INPP4B: variants seen among roughly 807,000 people sequenced by gnomAD.
INPP4B encodes the protein inositol polyphosphate-4-phosphatase type II B, also known as inositol polyphosphate 4-phosphatase type II.
In INPP4B, 55 loss-of-function variants were observed where a neutral mutation model predicts 122.5. The ratio of observed to expected loss-of-function variants is 0.45; its 90% CI spans 0.36 to 0.56. INPP4B has a LOEUF of 0.56. Among genes scored for constraint, INPP4B ranks in the 20% least tolerant of loss-of-function variants. The pLI is 0.00. For missense variants in INPP4B, 1,000 were observed against 1,097.7 expected (o/e 0.91, Z 1.26); for synonymous variants, 403 against 388.7 (o/e 1.04, Z -0.43).
At chr4:142,084,029 T>G (rs147996295) in intron 24 of INPP4B, among the ~76,000 whole-genome samples, 1,778 of 152,272 alleles carry the variant, frequency 0.012, 29 homozygotes, top group African/African-American at 0.04. Context: ...CCTGAACTAT[T>G]GACTTAACAC....
At chr4:142,642,565 A>G (rs1419610043) in intron 2 of INPP4B, among the ~76,000 whole-genome samples, 1 of 152,178 alleles carries the variant, frequency 6.6e-6, no homozygotes, top group Non-Finnish European at 1.5e-5. Flanking sequence ...TTTGTCAAAG[A>G]TCAGATAGTT....
intron 1 of INPP4B, among the ~76,000 whole-genome samples, chr4:142,778,732 T>C (rs1052777975): frequency 6.6e-6 from 1 of 152,198 alleles, no homozygotes; most frequent in African/African-American, 2.4e-5. Context: ...TTACCACCAC[T>C]ACTTTGTTGA....
intron 2 of INPP4B, among the ~76,000 whole-genome samples, chr4:142,567,535 T>C (rs1731892652): frequency 6.6e-6 from 1 of 152,254 alleles, no homozygotes; most frequent in South Asian, 2.1e-4. Context: ...AAAGGTAGAA[T>C]GAACAAGAGA....
At chr4:142,215,779 G>A (rs1394733596) in intron 12 of INPP4B, among the ~76,000 whole-genome samples, 4 of 151,310 alleles carry the variant, frequency 2.6e-5, no homozygotes, top group Non-Finnish European at 5.9e-5. Context: ...TGTAGTCCCA[G>A]CTACTCGGGA....
At chr4:142,386,347 A>C (rs1795957284) in intron 7 of INPP4B, among the ~76,000 whole-genome samples, 1 of 152,218 alleles carries the variant, frequency 6.6e-6, no homozygotes, top group Admixed American at 6.5e-5. Flanking sequence ...TACAATGAGC[A>C]TGGGAGTACA....
chr4:142,658,178 G>T (rs1333212968), intron 2 of INPP4B, among the ~76,000 whole-genome samples: 1 of 152,148 alleles, frequency 6.6e-6, no homozygotes, highest in Non-Finnish European at 1.5e-5. Context: ...TGAACATTTT[G>T]CTCTTCACAG....
intron 9 of INPP4B, among the ~76,000 whole-genome samples, chr4:142,302,618 C>T (rs1052524546): frequency 1.3e-5 from 2 of 152,178 alleles, no homozygotes; most frequent in East Asian, 1.9e-4. Flanking sequence ...ATATAATTAT[C>T]AGAGCACAAA....
At chr4:142,622,899 T>C (rs932964176) in intron 2 of INPP4B, among the ~76,000 whole-genome samples, 3 of 151,944 alleles carry the variant, frequency 2.0e-5, no homozygotes, top group Admixed American at 1.3e-4. Flanking sequence ...ATACAAAATA[T>C]ATTCATAGCA....
At position 142,270,505 on chromosome 4, in the gene INPP4B, G is replaced by A. The variant is rs147194917; in HGVS notation, c.615+158C>T. On this transcript the variant is annotated intron_variant, in intron 10 of 25. Transcript: ENST00000262992. ...AGCAAATAGGCCCTTTGATTCAGAG[G>A]CTGAAACACACATATTGTATTCCAA... Among the ~76,000 whole-genome samples, 45 of 152,274 alleles carry A rather than the reference G, an allele frequency of 3.0e-4. No homozygotes were observed. In the East Asian group the frequency reaches 8.7e-3, roughly 29 times the overall value.
At chr4:142,141,738 T>C (rs1180423093) in intron 18 of INPP4B, among the ~76,000 whole-genome samples, 1 of 151,950 alleles carries the variant, frequency 6.6e-6, no homozygotes, top group Non-Finnish European at 1.5e-5. Context: ...AAAAGAGAAA[T>C]AGCTGTAGGT....
At chr4:142,413,977 A>T (rs913558673) in intron 5 of INPP4B, among the ~76,000 whole-genome samples, 4 of 152,108 alleles carry the variant, frequency 2.6e-5, no homozygotes, top group African/African-American at 9.7e-5. Context: ...TGGGGAGAAA[A>T]CAGATGACGG....
At chr4:142,564,512 C>G (rs973260635) in intron 2 of INPP4B, among the ~76,000 whole-genome samples, 1 of 143,820 alleles carries the variant, frequency 7.0e-6, no homozygotes, top group Non-Finnish European at 1.5e-5. Flanking sequence ...AGAACCAGAC[C>G]ATGGAAGACT....
chr4:142,583,764 T>C (rs1271973726), intron 2 of INPP4B: 1 of 152,176 alleles, frequency 6.6e-6, no homozygotes, highest in Non-Finnish European at 1.5e-5. Context: ...ACAATATTAC[T>C]TGGCTTATAA....
At chr4:142,547,052 C>T (rs929639322) in intron 2 of INPP4B, among the ~76,000 whole-genome samples, 21 of 151,134 alleles carry the variant, frequency 1.4e-4, no homozygotes, top group African/African-American at 4.4e-4. Context: ...TCTTTGAAAT[C>T]GTACTTTTGA....
chr4:142,314,848 A>C, intron 7 of INPP4B, 86 bp from the exon 8 acceptor site: 2 of 1,051,586 alleles, frequency 1.9e-6, no homozygotes, highest in Non-Finnish European at 2.8e-6. Flanking sequence ...AATTTCCTTC[A>C]TCTCGCGTCA....
At chr4:142,407,492 G>C (rs1803684815) in intron 5 of INPP4B, among the ~76,000 whole-genome samples, 1 of 152,088 alleles carries the variant, frequency 6.6e-6, no homozygotes, top group Non-Finnish European at 1.5e-5. Flanking sequence ...TAAAAACAGA[G>C]AAAATTTCTA....
intron 2 of INPP4B, among the ~76,000 whole-genome samples, chr4:142,619,001 T>C (rs1374686779): frequency 6.6e-6 from 1 of 151,948 alleles, no homozygotes; most frequent in African/African-American, 2.4e-5. Context: ...CCAACATCAC[T>C]CATCACCAGG....
chr4:142,270,815 C>T (rs1745408667), intron 9 of INPP4B, 41 bp from the exon 10 acceptor site: 3 of 1,297,150 alleles, frequency 2.3e-6, no homozygotes, highest in Non-Finnish European at 3.4e-6. Context: ...TAAGAAGCTT[C>T]TCTCTCCCCC....
intron 2 of INPP4B, among the ~76,000 whole-genome samples, chr4:142,480,363 G>T (rs1201312109): frequency 1.3e-5 from 2 of 152,102 alleles, no homozygotes; most frequent in African/African-American, 4.8e-5. Context: ...AAGTTTTTCA[G>T]AAACTCAGCC....
Sources: allele counts gnomAD v4.1 joint callset (sites outside exome capture counted in the v4.1 genomes callset), GRCh38; gene constraint gnomAD v4.1.1; transcripts MANE v1.5; gene names NCBI Gene and HGNC (gene_info 2026-07-23, HGNC 2026-07-21).